Variants in DNASE1L3 observed in about 807,000 individuals in gnomAD.
DNASE1L3 encodes deoxyribonuclease gamma.
A neutral mutation model predicts 30.9 loss-of-function variants in DNASE1L3; 27 were observed. That is an observed-to-expected ratio of 0.87 (90% confidence interval 0.64 to 1.20). DNASE1L3 has a LOEUF of 1.20. Among genes scored for constraint, DNASE1L3 ranks in the 50% most tolerant of loss-of-function variants. DNASE1L3 has a pLI of 0.00. For missense variants in DNASE1L3, 364 were observed against 378.2 expected (o/e 0.96, Z 0.31); for synonymous variants, 135 against 138.0 (o/e 0.98, Z 0.15).
At chr3:58,198,925 A>C (rs2097398975) in intron 5 of DNASE1L3, among the ~76,000 whole-genome samples, 1 of 152,060 alleles carries the variant, frequency 6.6e-6, no homozygotes, top group African/African-American at 2.4e-5. Context: ...GTCCACCCCC[A>C]CCCAAGGCCA....
Position 58,197,775 on chromosome 3 carries a change from C to G in DNASE1L3, c.704+46G>C. 1.2e-6 allele frequency: 2 copies of G among 1,611,984 alleles called. No individual in the cohort carries two copies. The highest frequency in any genetic ancestry group is 1.7e-6 in the Non-Finnish European group (2 of 1,179,602). On this transcript the variant is annotated intron_variant, in intron 6 of 7. Coordinates refer to ENST00000394549, the MANE Select transcript of DNASE1L3 (RefSeq NM_004944.4). The surrounding 1 kb of genome is among the most constrained non-coding windows in gnomAD (Gnocchi z 5.3). The stretch of plus-strand genomic sequence containing the variant: ...GCCACCTTGCGTCTTTCCTAGTGCA[C>G]ACCAAGCACTGTGGTGAGCCAGCAG...
intron 5 of DNASE1L3, among the ~76,000 whole-genome samples, chr3:58,199,531 G>A (rs190717042): frequency 2.6e-5 from 4 of 152,298 alleles, no homozygotes; most frequent in East Asian, 1.9e-4. Flanking sequence ...TTAGCCAGGC[G>A]TGGTGGCACA....
Position 58,197,683 on chromosome 3 carries a change from A to T in DNASE1L3, c.704+138T>A. 3.4e-6 allele frequency: 4 copies of T among 1,159,478 alleles called. No homozygotes were observed. The highest frequency in any genetic ancestry group is 5.0e-6 in the Non-Finnish European group (4 of 807,120). 71.8% of individuals were successfully genotyped at this position (1,159,478 alleles called of 1,614,324 possible). A position where few individuals can be genotyped will look rare whatever the true frequency, so the allele number is the denominator to read the frequency against. On this transcript the variant is annotated intron_variant, in intron 6 of 7. Transcript: ENST00000394549. The surrounding 1 kb of genome is among the most constrained non-coding windows in gnomAD (Gnocchi z 5.3). ...GCCCAGGCTGGTCTCAAACTCCTGT[A>T]CTCAAGCGATCCATCCATCGAGGCC...
At chr3:58,210,244 A>AAAAG (rs71625612) in intron 1 of DNASE1L3, among the ~76,000 whole-genome samples, 33,059 of 101,148 alleles carry the variant, frequency 0.33, 4,568 homozygotes, top group East Asian at 0.65. Context: ...GGAAGAAAGA[A>AAAAG]AAAGAAAGAA....
chr3:58,199,921 A>G (rs2097399582), intron 5 of DNASE1L3, among the ~76,000 whole-genome samples: 1 of 152,138 alleles, frequency 6.6e-6, no homozygotes, highest in Non-Finnish European at 1.5e-5. Context: ...TTCACACTTT[A>G]TTTGATTCAT....
In DNASE1L3 at chr3:58,205,460, G is replaced by A. The variant is rs905697034; in HGVS notation, c.320+11C>T. 6.2e-7 allele frequency: 1 copy of A among 1,608,752 alleles called. No individual in the cohort carries two copies. Among genetic ancestry groups the A allele is most frequent in the African/African-American group, 1.3e-5 (1 of 74,922 alleles). The stretch of plus-strand genomic sequence containing the variant: ...GGTGGCCATGTTCCAGGGAGCATAG[G>A]TGATACTTACTTGTAGAGAAAGGCA... On this transcript the variant is annotated intron_variant, in intron 3 of 7. Transcript: ENST00000394549.
chr3:58,205,647 C>T lies in DNASE1L3; in HGVS notation c.231-87G>A, dbSNP rs111997784. 5,604 of 1,111,352 alleles carry T rather than the reference C, an allele frequency of 5.0e-3. 70 individuals carry two copies. The highest frequency in any genetic ancestry group is 0.024 in the Middle Eastern group (125 of 5,104). The allele number at this position is 1,111,352 out of a possible 1,614,324, so 68.8% of individuals were successfully genotyped here. On this transcript the variant is annotated intron_variant, in intron 2 of 7. Coordinates refer to ENST00000394549, the MANE Select transcript of DNASE1L3 (RefSeq NM_004944.4). ...CCTTTCTTTCCAATCTGCCTCCATA[C>T]GCCCAATGGCATCATGTGGAAGGGC...
intron 2 of DNASE1L3, among the ~76,000 whole-genome samples, chr3:58,206,986 TG>T (rs1559759091): frequency 6.6e-6 from 1 of 152,070 alleles, no homozygotes; most frequent in African/African-American, 2.4e-5. Flanking sequence ...GCCCAGAGCC[TG>T]GGGGATGATG....
intron 2 of DNASE1L3, among the ~76,000 whole-genome samples, chr3:58,207,443 C>A (rs896128517): frequency 1.4e-4 from 1 of 7,176 alleles, no homozygotes; most frequent in Non-Finnish European, 2.9e-4. Flanking sequence ...CTGATCACAC[C>A]CCCCCCCCCC....
chr3:58,210,712 A>T, intron 1 of DNASE1L3, 54 bp downstream of exon 1: 1 of 1,611,642 alleles, frequency 6.2e-7, no homozygotes, highest in Non-Finnish European at 8.5e-7. Context: ...GTCTGCAGAC[A>T]GGAGAGAGGG....
At chr3:58,193,188 C>T in intron 7 of DNASE1L3, 155 bp downstream of exon 7, 1 of 1,438,332 alleles carries the variant, frequency 7.0e-7, no homozygotes, top group South Asian at 1.4e-5. Context: ...GTGATCCTCC[C>T]ACCTCAGCCT....
At chr3:58,210,674 C>T in intron 1 of DNASE1L3, 92 bp downstream of exon 1, 3 of 1,580,726 alleles carry the variant, frequency 1.9e-6, no homozygotes, top group Non-Finnish European at 2.6e-6. Flanking sequence ...CCCTAAGGGC[C>T]AACTTTAAGT....
intron 6 of DNASE1L3, among the ~76,000 whole-genome samples, chr3:58,196,237 C>T (rs1459952374): frequency 6.6e-6 from 1 of 151,876 alleles, no homozygotes; most frequent in Non-Finnish European, 1.5e-5. Context: ...AAGGAAACAC[C>T]AGCCTCAAAA....
intron 6 of DNASE1L3, among the ~76,000 whole-genome samples, chr3:58,195,265 G>A (rs577778165): frequency 3.5e-4 from 53 of 152,120 alleles, no homozygotes; most frequent in African/African-American, 1.1e-3. Context: ...CATTTTCTCC[G>A]TTTATTTTAT....
intron 1 of DNASE1L3, among the ~76,000 whole-genome samples, chr3:58,209,556 TG>T (rs1346735022): frequency 1.3e-5 from 2 of 152,198 alleles, no homozygotes; most frequent in Non-Finnish European, 2.9e-5. Flanking sequence ...CACCTGGGTC[TG>T]AGAGGCTCGT....
chr3:58,194,848 T>C (rs1277245902), intron 6 of DNASE1L3, among the ~76,000 whole-genome samples: 4 of 151,468 alleles, frequency 2.6e-5, no homozygotes, highest in Non-Finnish European at 5.9e-5. Flanking sequence ...CAGGATGGTC[T>C]CGATCTCCTG....
chr3:58,198,318 A>C (rs1413215696), intron 5 of DNASE1L3, among the ~76,000 whole-genome samples: 1 of 152,210 alleles, frequency 6.6e-6, no homozygotes, highest in Non-Finnish European at 1.5e-5. Flanking sequence ...ATGTAAAGAC[A>C]CTGGAAGAAG....
chr3:58,194,737 TGCCTCA>T (rs1354624218), intron 6 of DNASE1L3, among the ~76,000 whole-genome samples: 1 of 150,952 alleles, frequency 6.6e-6, no homozygotes, highest in African/African-American at 2.4e-5. Context: ...GCCATTCTCC[TGCCTCA>T]GCCTCCCGAG....
At chr3:58,193,096 A>C in intron 7 of DNASE1L3, 1 of 1,144,256 alleles carries the variant, frequency 8.7e-7, no homozygotes, top group South Asian at 2.3e-5. Context: ...TTTTTTTTTG[A>C]GACAGGATCT....
Sources: allele counts gnomAD v4.1 joint callset (sites outside exome capture counted in the v4.1 genomes callset), GRCh38; gene constraint gnomAD v4.1.1; non-coding constraint Gnocchi (gnomAD v3.1); transcripts MANE v1.5; gene names NCBI Gene and HGNC (gene_info 2026-07-23, HGNC 2026-07-21).